The following ZHX2 variants were observed in gnomAD, a reference collection of about 807,000 sequenced individuals.
ZHX2 encodes the protein zinc fingers and homeoboxes protein 2.
Under a neutral mutation model 21.9 loss-of-function variants are expected in ZHX2, and 6 were observed. The ratio of observed to expected loss-of-function variants is 0.27; its 90% CI spans 0.15 to 0.54. The LOEUF (loss-of-function observed/expected upper bound fraction) is 0.54. Ranked by LOEUF, ZHX2 falls within the 20% of genes least tolerant of loss-of-function variation. ZHX2 has a pLI of 0.95. For synonymous variants in ZHX2, 434 were observed against 437.1 expected (o/e 0.99, Z 0.09); for missense variants, 908 against 1,090.7 (o/e 0.83, Z 2.36).
At chr8:122,861,469 G>A (rs1199620823) in intron 1 of ZHX2, among the ~76,000 whole-genome samples, 1 of 152,154 alleles carries the variant, frequency 6.6e-6, no homozygotes, top group African/African-American at 2.4e-5. Flanking sequence ...ATTGAGAAAA[G>A]TACTGGTCAT....
At chr8:122,831,648 C>T (rs972506450) in intron 1 of ZHX2, among the ~76,000 whole-genome samples, 5 of 152,124 alleles carry the variant, frequency 3.3e-5, no homozygotes, top group African/African-American at 1.2e-4. Flanking sequence ...ACATTTCCAG[C>T]CAATATAGGA....
chr8:122,912,106 G>A (rs1315078750), intron 2 of ZHX2, among the ~76,000 whole-genome samples: 1 of 152,210 alleles, frequency 6.6e-6, no homozygotes, highest in South Asian at 2.1e-4. Context: ...CTGGGTTCAT[G>A]AAGATGGTGG....
chr8:122,882,886 G>A (rs1476876626), intron 2 of ZHX2, among the ~76,000 whole-genome samples: 1 of 152,154 alleles, frequency 6.6e-6, no homozygotes, highest in African/African-American at 2.4e-5. Context: ...GGAGGCTGAG[G>A]TAGGAGAATC....
intron 1 of ZHX2, among the ~76,000 whole-genome samples, chr8:122,796,897 G>A (rs1563733256): frequency 6.6e-6 from 1 of 152,158 alleles, no homozygotes; most frequent in Non-Finnish European, 1.5e-5. Flanking sequence ...GTGCCTGCTG[G>A]TGCCTCCTTT....
rs147618417 is a variant in ZHX2, at chr8:122,799,221, C to T, written c.-283+17275C>T. Among the ~76,000 whole-genome samples the T allele has an allele frequency of 8.5e-5, 13 of 152,248 alleles. No homozygotes were observed. The East Asian group carries it at 2.5e-3, about 29-fold the overall frequency. ...TGATCACCACCTATGGTGTGCAGGG[C>T]AAGAGAGTCAGCCAAGCCTCATCTC... is the stretch of plus-strand genomic sequence containing the variant. On this transcript the variant is annotated intron_variant, in intron 1 of 3. Coordinates refer to ENST00000314393, the MANE Select transcript of ZHX2 (RefSeq NM_014943.5).
rs139249386 is a variant in ZHX2, at chr8:122,953,348, G to T, written c.1838G>T (p.Arg613Leu). 1.2e-5 allele frequency: 20 copies of T among 1,613,894 alleles called. No individual in the cohort carries two copies. The East Asian group carries it at 2.7e-4, about 22-fold the overall frequency. ...DVGAPNGALS[R>L]LDQLSGAQLT... ...GGAGCCCCCAATGGTGCTCTGTCTC[G>T]ACTCGACCAGCTCTCCGGTGCCCAG... The change falls in exon 3 of 4, where the codon CGA (arginine) becomes CTA (leucine). Residue 613 changes from arginine (R) to leucine (L), a missense_variant. Physicochemically the swap from Arg to Leu is moderately radical, Grantham distance 102 (BLOSUM62 -2). Around this residue, in one of 4 missense-constraint regions of ZHX2, gnomAD observed 431 missense variants for 428.6 expected, o/e 1.01. Transcript: ENST00000314393. This position sits in a 1 kb window ranked among gnomAD's most constrained non-coding sequence, Gnocchi z 4.6.
Position 122,953,102 on chromosome 8 carries a change from A to G in ZHX2, c.1592A>G (p.Gln531Arg). 1 of 1,613,928 alleles carries G rather than the reference A, an allele frequency of 6.2e-7. No homozygotes were observed. Among genetic ancestry groups the G allele is most frequent in the Non-Finnish European group, 8.5e-7 (1 of 1,180,014 alleles). ...TYHAYPDFAPQKFKEKTQGQV... is the reference protein window; with the variant it reads ...TYHAYPDFAPRKFKEKTQGQV... ...CATGCGTACCCAGACTTTGCCCCCC[A>G]GAAGTTCAAAGAGAAAACACAGGGT... The change falls in exon 3 of 4, where the codon CAG becomes CGG. Residue 531 changes from glutamine (Q) to arginine (R), a missense_variant. This residue lies in a region of ZHX2 where 431 missense variants were observed against 428.6 expected (regional missense o/e 1.01). Coordinates refer to ENST00000314393, the MANE Select transcript of ZHX2 (RefSeq NM_014943.5). The surrounding 1 kb of genome is among the most constrained non-coding windows in gnomAD (Gnocchi z 4.6).
intron 1 of ZHX2, among the ~76,000 whole-genome samples, chr8:122,802,635 G>C (rs961426343): frequency 2.6e-5 from 4 of 152,214 alleles, no homozygotes; most frequent in Admixed American, 2.6e-4. Flanking sequence ...GCTAGTCCAA[G>C]CTAGGGGATA....
chr8:122,806,243 G>A (rs116288112), intron 1 of ZHX2, among the ~76,000 whole-genome samples: 8 of 152,284 alleles, frequency 5.3e-5, no homozygotes, highest in African/African-American at 1.7e-4. Context: ...CTAATTGTGG[G>A]GCTTAGGTTG....
intron 2 of ZHX2, among the ~76,000 whole-genome samples, chr8:122,947,476 G>A (rs1022061809): frequency 6.6e-6 from 1 of 152,220 alleles, no homozygotes; most frequent in African/African-American, 2.4e-5. Context: ...AAGGCCACAT[G>A]TGGCCAGTGG....
rs374802515 is a variant in ZHX2, at chr8:122,901,082, C to T, written c.-220+37543C>T. ...TATTGGGTATTGTTGCTTAGAAATACGTTAGAATTTACAAAGTGATTTGAT... is the reference window on the plus strand; with the variant it reads ...TATTGGGTATTGTTGCTTAGAAATATGTTAGAATTTACAAAGTGATTTGAT... On this transcript the variant is annotated intron_variant, in intron 2 of 3. Transcript: ENST00000314393. Among the ~76,000 whole-genome samples the T allele has an allele frequency of 5.9e-5, 9 of 152,052 alleles. No homozygotes were observed. The South Asian group carries it at 1.2e-3, about 21-fold the overall frequency.
intron 1 of ZHX2, among the ~76,000 whole-genome samples, chr8:122,787,809 A>G (rs1204130427): frequency 6.6e-6 from 1 of 152,210 alleles, no homozygotes; most frequent in Non-Finnish European, 1.5e-5. Flanking sequence ...GATGCCTGCA[A>G]CTGCAGCTGC....
intron 2 of ZHX2, among the ~76,000 whole-genome samples, chr8:122,900,420 G>A (rs1476933011): frequency 6.6e-6 from 1 of 152,128 alleles, no homozygotes; most frequent in Non-Finnish European, 1.5e-5. Flanking sequence ...GCCCACGAGG[G>A]AGGACATTAA....
intron 2 of ZHX2, among the ~76,000 whole-genome samples, chr8:122,919,289 C>T (rs775008971): frequency 1.3e-5 from 2 of 152,236 alleles, no homozygotes; most frequent in African/African-American, 2.4e-5. Context: ...TAGCCATGTG[C>T]TGGATTCATA....
At chr8:122,949,646 C>A (rs1005670492) in intron 2 of ZHX2, among the ~76,000 whole-genome samples, 2 of 152,116 alleles carry the variant, frequency 1.3e-5, no homozygotes, top group African/African-American at 4.8e-5. Context: ...GTGTTGGAGA[C>A]CAGCCTGGAC....
intron 2 of ZHX2, among the ~76,000 whole-genome samples, chr8:122,886,031 A>G (rs946938484): frequency 6.6e-6 from 1 of 152,216 alleles, no homozygotes; most frequent in Non-Finnish European, 1.5e-5. Context: ...TTATACCAAA[A>G]TGCCAATACA....
At chr8:122,804,884 G>A (rs562556923) in intron 1 of ZHX2, among the ~76,000 whole-genome samples, 1 of 152,240 alleles carries the variant, frequency 6.6e-6, no homozygotes, top group Admixed American at 6.5e-5. Context: ...GCTGAAACTA[G>A]AACACAGGGC....
chr8:122,926,474 G>A (rs565692075), intron 2 of ZHX2, among the ~76,000 whole-genome samples: 14 of 152,304 alleles, frequency 9.2e-5, no homozygotes, highest in East Asian at 3.9e-4. Flanking sequence ...CCATTTCACC[G>A]TTCTGTCAAG....
At chr8:122,889,886 A>G (rs565654969) in intron 2 of ZHX2, among the ~76,000 whole-genome samples, 1 of 152,270 alleles carries the variant, frequency 6.6e-6, no homozygotes, top group African/African-American at 2.4e-5. Flanking sequence ...ATATACCATG[A>G]GAGGACTGTA....
Sources: gnomAD v4.1 joint callset for allele counts (sites outside exome capture counted in the v4.1 genomes callset) on GRCh38, gnomAD v4.1.1 for gene constraint, gnomAD v4.1.1 regional missense constraint, Gnocchi (gnomAD v3.1) non-coding constraint, MANE v1.5 for transcripts, NCBI Gene and HGNC (gene_info 2026-07-23, HGNC 2026-07-21) for gene names.